MACROD2: variants seen among roughly 807,000 people sequenced by gnomAD.
The protein encoded by MACROD2 is ADP-ribose glycohydrolase MACROD2.
Under a neutral mutation model 70.4 loss-of-function variants are expected in MACROD2, and 36 were observed. The ratio of observed to expected loss-of-function variants is 0.51; its 90% CI spans 0.39 to 0.68. The LOEUF is 0.68. Ranked by LOEUF, MACROD2 falls within the 30% of genes least tolerant of loss-of-function variation. MACROD2 has a pLI of 0.00. For synonymous variants in MACROD2, 172 were observed against 178.8 expected, an observed-to-expected ratio of 0.96 and a Z score of 0.30; for missense variants, 496 against 538.4, an observed-to-expected ratio of 0.92 and a Z score of 0.78.
chr20:15,551,187 T>G (rs2048090804), intron 8 of MACROD2, among the ~76,000 whole-genome samples: 1 of 152,116 alleles, frequency 6.6e-6, no homozygotes, highest in Non-Finnish European at 1.5e-5. Flanking sequence ...GCCCTAAGCC[T>G]TACCCCTTTG....
At chr20:15,985,069 G>T (rs894061505) in intron 13 of MACROD2, among the ~76,000 whole-genome samples, 2 of 152,164 alleles carry the variant, frequency 1.3e-5, no homozygotes, top group Non-Finnish European at 2.9e-5. Context: ...TACCTCTAAT[G>T]CTGGCCAGTC....
chr20:15,571,928 T>G (rs1210214736), intron 8 of MACROD2, among the ~76,000 whole-genome samples: 1 of 152,136 alleles, frequency 6.6e-6, no homozygotes, highest in African/African-American at 2.4e-5. Context: ...TTTACGAAAC[T>G]TATTTTGACC....
intron 6 of MACROD2, among the ~76,000 whole-genome samples, chr20:15,245,544 A>G (rs2146016002): frequency 6.6e-6 from 1 of 152,350 alleles, no homozygotes; most frequent in South Asian, 2.1e-4. Flanking sequence ...TCAAATACAG[A>G]CAGTCCCTTA....
At chr20:14,167,412 T>G (rs1175413843) in intron 3 of MACROD2, among the ~76,000 whole-genome samples, 18 of 152,084 alleles carry the variant, frequency 1.2e-4, no homozygotes, top group Non-Finnish European at 2.9e-5. Context: ...AGACGGAGTT[T>G]TGCTTTTGTT....
At chr20:15,232,690 T>C (rs2076969265) in intron 6 of MACROD2, among the ~76,000 whole-genome samples, 1 of 152,070 alleles carries the variant, frequency 6.6e-6, no homozygotes, top group Non-Finnish European at 1.5e-5. Flanking sequence ...TTCTTTGATA[T>C]CTATTCTGAA....
At chr20:14,798,093 G>A (rs2072531981) in intron 5 of MACROD2, among the ~76,000 whole-genome samples, 1 of 151,910 alleles carries the variant, frequency 6.6e-6, no homozygotes, top group African/African-American at 2.4e-5. Context: ...AGGCTATGGG[G>A]CTCTATGGAC....
chr20:15,398,187 C>T (rs1485420405), intron 6 of MACROD2, among the ~76,000 whole-genome samples: 2 of 152,122 alleles, frequency 1.3e-5, no homozygotes, highest in Admixed American at 1.3e-4. Context: ...TTTTTATTTA[C>T]TGAGATTTCT....
chr20:15,919,938 G>A (rs2065377560), intron 10 of MACROD2, among the ~76,000 whole-genome samples: 1 of 151,928 alleles, frequency 6.6e-6, no homozygotes, highest in African/African-American at 2.4e-5. Flanking sequence ...AAAAATTGAG[G>A]GTAAATTTAA....
Position 15,759,190 on chromosome 20 carries a change from C to T in MACROD2, c.646-103555C>T, listed in dbSNP as rs116710323. ...AACAGAAATGGACCCCATAGTCATT[C>T]TATCCTTCCAAAGACAAAGATGTTC... On this transcript the variant is annotated intron_variant, in intron 8 of 17. Transcript: ENST00000684519. Among the ~76,000 whole-genome samples, 691 of 146,794 alleles carry T rather than the reference C, an allele frequency of 4.7e-3. 7 individuals are homozygous for T. Among genetic ancestry groups the T allele is most frequent in the African/African-American group, 0.016 (642 of 39,952 alleles).
At chr20:15,611,980 C>G (rs1203017366) in intron 8 of MACROD2, among the ~76,000 whole-genome samples, 1 of 150,878 alleles carries the variant, frequency 6.6e-6, no homozygotes, top group African/African-American at 2.4e-5. Flanking sequence ...CTCCATCCTC[C>G]TACCACCACC....
At chr20:15,875,261 T>G (rs2064651561) in intron 9 of MACROD2, among the ~76,000 whole-genome samples, 1 of 152,162 alleles carries the variant, frequency 6.6e-6, no homozygotes, top group African/African-American at 2.4e-5. Context: ...CAGTCATCTA[T>G]GAATAAGTGA....
intron 8 of MACROD2, among the ~76,000 whole-genome samples, chr20:15,559,024 C>T (rs1376245071): frequency 2.6e-5 from 4 of 151,858 alleles, no homozygotes; most frequent in African/African-American, 9.7e-5. Flanking sequence ...GTCAGGAGAT[C>T]GAGACCATCC....
intron 5 of MACROD2, among the ~76,000 whole-genome samples, chr20:15,137,715 TAAAA>T (rs563307521): frequency 4.0e-5 from 6 of 150,482 alleles, no homozygotes; most frequent in East Asian, 1.9e-4. Flanking sequence ...ATAATAATAA[TAAAA>T]AAAAATAATA....
chr20:15,674,629 C>T (rs745587525), intron 8 of MACROD2, among the ~76,000 whole-genome samples: 3 of 152,000 alleles, frequency 2.0e-5, no homozygotes, highest in Non-Finnish European at 2.9e-5. Flanking sequence ...CTCTGCTGCC[C>T]ACTGAACTGT....
intron 3 of MACROD2, among the ~76,000 whole-genome samples, chr20:14,241,785 T>C (rs2122236924): frequency 6.6e-6 from 1 of 152,232 alleles, no homozygotes; most frequent in Middle Eastern, 3.4e-3. Context: ...CAGATGAAAA[T>C]ATTGTCTTCA....
At chr20:14,909,576 T>C (rs1306779375) in intron 5 of MACROD2, among the ~76,000 whole-genome samples, 1 of 151,926 alleles carries the variant, frequency 6.6e-6, no homozygotes, top group Non-Finnish European at 1.5e-5. Flanking sequence ...AGATAACCTA[T>C]ATAAGCCACC....
intron 5 of MACROD2, among the ~76,000 whole-genome samples, chr20:14,914,705 T>C (rs1288240997): frequency 1.3e-5 from 2 of 152,220 alleles, no homozygotes; most frequent in Non-Finnish European, 2.9e-5. Context: ...GTATATCTAC[T>C]ATCTCTAAAT....
intron 6 of MACROD2, among the ~76,000 whole-genome samples, chr20:15,422,224 T>C (rs1294978100): frequency 6.6e-6 from 1 of 152,166 alleles, no homozygotes; most frequent in Non-Finnish European, 1.5e-5. Flanking sequence ...GACATGACAC[T>C]ATTTAGTCTT....
chr20:15,935,356 G>A (rs1239267178), intron 11 of MACROD2, among the ~76,000 whole-genome samples: 1 of 152,200 alleles, frequency 6.6e-6, no homozygotes, highest in African/African-American at 2.4e-5. Flanking sequence ...CAATGGCAGA[G>A]TCCACCTATA....
Sources: gnomAD v4.1 joint callset for allele counts (sites outside exome capture counted in the v4.1 genomes callset) on GRCh38, gnomAD v4.1.1 for gene constraint, MANE v1.5 for transcripts, NCBI Gene and HGNC (gene_info 2026-07-23, HGNC 2026-07-21) for gene names.